Variants in SCARA5 observed in about 807,000 individuals in gnomAD.
The protein encoded by SCARA5 is scavenger receptor class A member 5, also known as scavenger receptor class A, member 5 (putative).
SCARA5 carries 45 observed loss-of-function variants against 46.3 expected under a neutral mutation model. The observed-to-expected ratio is 0.97, with a 90% CI of 0.76 to 1.24. SCARA5 has a LOEUF of 1.24. Among genes scored for constraint, SCARA5 ranks in the 50% most tolerant of loss-of-function variants. The probability of loss-of-function intolerance (pLI) is 0.00; values close to 1 mark genes in which losing one functional copy is unlikely to be tolerated. For synonymous variants in SCARA5, 333 were observed against 306.5 expected (o/e 1.09, Z -0.90); for missense variants, 680 against 689.0 (o/e 0.99, Z 0.15).
Position 27,921,846 on chromosome 8 carries a change from C to A in SCARA5, c.641G>T (p.Gly214Val). ...GLLDGLARRV[G>V]ILGEELADVG... The stretch of plus-strand genomic sequence containing the variant: ...GTCGGCCAGCTCCTCGCCCAGGATG[C>A]CCACCCTGCGCGCCAGCCCGTCCAG... The change falls in exon 4 of 9, where the codon GGC becomes GTC. Residue 214 changes from glycine (G) to valine (V), a missense_variant. By Grantham distance (109) the Gly-to-Val change is moderately radical. Transcript: ENST00000354914. 6.5e-7 allele frequency: 1 copy of A among 1,535,650 alleles called. No homozygotes were observed. The highest frequency in any genetic ancestry group is 1.4e-5 in the African/African-American group (1 of 72,276).
intron 3 of SCARA5, among the ~76,000 whole-genome samples, chr8:27,957,299 G>C (rs116600370): frequency 2.6e-5 from 4 of 152,314 alleles, no homozygotes; most frequent in Non-Finnish European, 5.9e-5. Context: ...CTGAATTACT[G>C]TGCAGTCTGT....
chr8:27,934,649 G>A (rs530221607), intron 3 of SCARA5, among the ~76,000 whole-genome samples: 37 of 152,270 alleles, frequency 2.4e-4, no homozygotes, highest in African/African-American at 7.5e-4. Context: ...GGCTGTGACT[G>A]GGTCATGGAT....
intron 3 of SCARA5, among the ~76,000 whole-genome samples, chr8:27,950,015 G>A (rs1212606046): frequency 2.6e-5 from 4 of 152,218 alleles, no homozygotes; most frequent in African/African-American, 4.8e-5. Context: ...GACCTAGGGA[G>A]GCTCAGTAAT....
Position 27,872,052 on chromosome 8 carries a change from A to G in SCARA5, c.1370T>C (p.Met457Thr), listed in dbSNP as rs1461618242. 2 of 1,614,264 alleles carry G rather than the reference A, an allele frequency of 1.2e-6. No individual in the cohort carries two copies. The highest frequency in any genetic ancestry group is 1.7e-6 in the Non-Finnish European group (2 of 1,180,050). ...RFGQGTGRIW[M>T]DDVACKGTEE... ...TGTGCCCTTGCAGGCAACGTCATCC[A>G]TCCAGATCCTCCCAGTGCCTGTGGA... The change falls in exon 9 of 9, where the codon ATG (methionine) becomes ACG (threonine). Residue 457 changes from methionine (M) to threonine (T), a missense_variant. Transcript: ENST00000354914.
At chr8:27,900,137 A>G (rs879772458) in intron 7 of SCARA5, among the ~76,000 whole-genome samples, 1 of 115,698 alleles carries the variant, frequency 8.6e-6, no homozygotes, top group Non-Finnish European at 1.6e-5. Context: ...GACTCCATCT[A>G]AAAAAAAAAA....
chr8:27,951,198 C>T (rs1362216892), intron 3 of SCARA5, among the ~76,000 whole-genome samples: 1 of 152,190 alleles, frequency 6.6e-6, no homozygotes, highest in African/African-American at 2.4e-5. Context: ...CAGAGGGATT[C>T]ATATATGTGC....
At chr8:27,958,963 T>C (rs1029358604) in intron 3 of SCARA5, among the ~76,000 whole-genome samples, 8 of 152,156 alleles carry the variant, frequency 5.3e-5, no homozygotes, top group African/African-American at 1.4e-4. Context: ...TCAGGCGCGG[T>C]GGCTCATGCC....
intron 4 of SCARA5, among the ~76,000 whole-genome samples, chr8:27,918,730 AGAG>A (rs1267118579): frequency 4.5e-4 from 6 of 13,404 alleles, no homozygotes; most frequent in Non-Finnish European, 1.0e-3. Flanking sequence ...AGGAGGATAA[AGAG>A]GAGCAGGGAA....
intron 3 of SCARA5, among the ~76,000 whole-genome samples, chr8:27,937,562 C>A (rs1389423047): frequency 6.6e-6 from 1 of 152,220 alleles, no homozygotes; most frequent in African/African-American, 2.4e-5. Flanking sequence ...GACCCCTTCT[C>A]ACCAAGAACT....
At chr8:27,988,145 A>C (rs573420093) in intron 1 of SCARA5, among the ~76,000 whole-genome samples, 34 of 152,360 alleles carry the variant, frequency 2.2e-4, no homozygotes, top group Admixed American at 3.9e-4. Flanking sequence ...AAAGCTGAGC[A>C]GACCAGGACT....
intron 3 of SCARA5, among the ~76,000 whole-genome samples, chr8:27,953,740 C>A (rs1808166460): frequency 1.3e-5 from 2 of 152,226 alleles, no homozygotes; most frequent in South Asian, 4.1e-4. Flanking sequence ...GGGGTGTGCC[C>A]CTGACGGGAA....
intron 3 of SCARA5, among the ~76,000 whole-genome samples, chr8:27,956,657 T>A (rs1199283320): frequency 6.6e-6 from 1 of 152,232 alleles, no homozygotes; most frequent in African/African-American, 2.4e-5. Flanking sequence ...TTCCTAGTTC[T>A]CAAGCTTCTG....
At chr8:27,971,987 G>A (rs182339600) in intron 2 of SCARA5, among the ~76,000 whole-genome samples, 29 of 152,156 alleles carry the variant, frequency 1.9e-4, no homozygotes, top group Middle Eastern at 3.4e-3. Context: ...CTTTATCATC[G>A]TAAGTGGAAA....
intron 3 of SCARA5, among the ~76,000 whole-genome samples, chr8:27,951,906 C>G (rs2129902560): frequency 6.6e-6 from 1 of 152,352 alleles, no homozygotes; most frequent in Non-Finnish European, 1.5e-5. Context: ...GTGACATGCT[C>G]TCTTAGCCCT....
intron 3 of SCARA5, among the ~76,000 whole-genome samples, chr8:27,958,323 G>T (rs1808237551): frequency 6.6e-6 from 1 of 152,248 alleles, no homozygotes; most frequent in Admixed American, 6.5e-5. Context: ...GGTCTGAGGT[G>T]AGACAGAGGT....
At chr8:27,921,536 G>C in intron 4 of SCARA5, 35 bp downstream of exon 4, 1 of 1,512,040 alleles carries the variant, frequency 6.6e-7, no homozygotes, top group Non-Finnish European at 8.9e-7. Flanking sequence ...CATCAGAAGG[G>C]GCCGTGGGTG....
chr8:27,886,561 G>A (rs545854243), intron 7 of SCARA5, among the ~76,000 whole-genome samples: 2 of 152,280 alleles, frequency 1.3e-5, no homozygotes, highest in African/African-American at 4.8e-5. Context: ...CTTTACCCCT[G>A]AAGAGGTATA....
chr8:27,906,624 A>G (rs73567091), intron 6 of SCARA5, among the ~76,000 whole-genome samples: 92 of 152,290 alleles, frequency 6.0e-4, no homozygotes, highest in Middle Eastern at 3.4e-3. Flanking sequence ...GGACTTTAGC[A>G]TTTGCACACA....
intron 8 of SCARA5, among the ~76,000 whole-genome samples, chr8:27,878,904 C>T (rs1806765187): frequency 6.6e-6 from 1 of 152,114 alleles, no homozygotes; most frequent in South Asian, 2.1e-4. Context: ...GTCTGGGCAA[C>T]ATAGTGAGAC....
Sources: gnomAD v4.1 joint callset for allele counts (sites outside exome capture counted in the v4.1 genomes callset) on GRCh38, gnomAD v4.1.1 for gene constraint, MANE v1.5 for transcripts, NCBI Gene and HGNC (gene_info 2026-07-23, HGNC 2026-07-21) for gene names.